CDH13: variants seen among roughly 807,000 people sequenced by gnomAD.
The protein encoded by CDH13 is cadherin 13.
Under a neutral mutation model 63.8 loss-of-function variants are expected in CDH13, and 24 were observed. The ratio of observed to expected loss-of-function variants is 0.38; its 90% confidence interval spans 0.27 to 0.53. The LOEUF is 0.53. Among genes scored for constraint, CDH13 ranks in the 20% least tolerant of loss-of-function variants. CDH13 has a pLI of 0.85. For synonymous variants in CDH13, 503 were observed against 355.3 expected, an observed-to-expected ratio of 1.42 and a Z score of -4.67; for missense variants, 1,049 against 903.1, an observed-to-expected ratio of 1.16 and a Z score of -2.07.
chr16:82,666,000 C>T (rs1248439103), intron 1 of CDH13, among the ~76,000 whole-genome samples: 2 of 152,040 alleles, frequency 1.3e-5, no homozygotes, highest in Admixed American at 6.6e-5. Flanking sequence ...AGTTGAAAAA[C>T]TGTTGTCTAG....
chr16:83,547,046 A>G (rs1480240357), intron 7 of CDH13, among the ~76,000 whole-genome samples: 1 of 152,184 alleles, frequency 6.6e-6, no homozygotes, highest in Non-Finnish European at 1.5e-5. Flanking sequence ...GGTCATCTCC[A>G]TGTGTTCACT....
intron 10 of CDH13, among the ~76,000 whole-genome samples, chr16:83,684,619 C>T (rs1171816556): frequency 6.6e-6 from 1 of 152,214 alleles, no homozygotes; most frequent in Non-Finnish European, 1.5e-5. Flanking sequence ...AGACAGAACT[C>T]ATCTTGCCCA....
Position 82,635,535 on chromosome 16 carries a change from G to T in CDH13, c.45+8398G>T, listed in dbSNP as rs571147775. ...GGTGTTTTTCTCAGAGCAAGTGGCA[G>T]CCATTGAGGGTACTGAGGGAAAGGT... is the stretch of plus-strand genomic sequence containing the variant. On this transcript the variant is annotated intron_variant, in intron 1 of 13. Transcript: ENST00000567109. Among the ~76,000 whole-genome samples the T allele has an allele frequency of 2.1e-4, 32 of 152,358 alleles. No homozygotes were observed. The South Asian group carries it at 6.2e-3, about 30-fold the overall frequency.
At chr16:83,448,691 A>T (rs935401392) in intron 6 of CDH13, among the ~76,000 whole-genome samples, 1 of 152,142 alleles carries the variant, frequency 6.6e-6, no homozygotes, top group African/African-American at 2.4e-5. Flanking sequence ...AGCAGTAGAG[A>T]TGAGAGTAAG....
At chr16:83,608,851 T>A (rs1908600243) in intron 8 of CDH13, among the ~76,000 whole-genome samples, 1 of 152,050 alleles carries the variant, frequency 6.6e-6, no homozygotes, top group Non-Finnish European at 1.5e-5. Flanking sequence ...ATTAACTGCC[T>A]AATACAACCT....
intron 1 of CDH13, among the ~76,000 whole-genome samples, chr16:82,681,114 G>C (rs1470614523): frequency 6.6e-6 from 1 of 152,186 alleles, no homozygotes; most frequent in South Asian, 2.1e-4. Flanking sequence ...AGATATTCTT[G>C]GGAAGACTCT....
intron 1 of CDH13, among the ~76,000 whole-genome samples, chr16:82,804,410 A>G (rs1282094233): frequency 1.3e-5 from 2 of 152,166 alleles, no homozygotes; most frequent in East Asian, 1.9e-4. Flanking sequence ...AGGTATATGC[A>G]TATATAAAAC....
chr16:83,666,712 G>T (rs1567498958), intron 8 of CDH13, among the ~76,000 whole-genome samples: 1 of 152,036 alleles, frequency 6.6e-6, no homozygotes, highest in Non-Finnish European at 1.5e-5. Flanking sequence ...TCAGATGCCA[G>T]GTATGTTCTC....
rs142889167 is a variant in CDH13 at position 83,166,630 on chromosome 16, A to G, written c.483+41129A>G. On this transcript the variant is annotated intron_variant, in intron 4 of 13. Coordinates refer to ENST00000567109, the MANE Select transcript of CDH13 (RefSeq NM_001257.5). ...CAGAGGGAATATAGATTGTGCTCTT[A>G]CCTGCCCCATTTCCATATTTAATAT... Among the ~76,000 whole-genome samples the G allele has an allele frequency of 2.1e-3, 319 of 152,198 alleles. 1 individual carries two copies. The highest frequency in any genetic ancestry group is 6.8e-3 in the African/African-American group (284 of 41,554).
intron 3 of CDH13, among the ~76,000 whole-genome samples, chr16:83,113,904 A>T (rs1439666164): frequency 6.6e-6 from 1 of 152,118 alleles, no homozygotes; most frequent in Non-Finnish European, 1.5e-5. Flanking sequence ...GCCTTAGGAA[A>T]CCCAGAGGCT....
rs1017760141 is a variant in CDH13 at position 83,799,794 on chromosome 16, T to C, written c.*4764T>C. On this transcript the variant is annotated 3_prime_UTR_variant, in exon 14 of 14. Coordinates refer to ENST00000567109, the MANE Select transcript of CDH13 (RefSeq NM_001257.5). ...TATGCAATGTGTTACCCTTACTATATTTCCTATTGCTAATAGATTAGCCCA... is the reference window on the plus strand; with the variant it reads ...TATGCAATGTGTTACCCTTACTATACTTCCTATTGCTAATAGATTAGCCCA... 2 of 152,202 alleles carry C rather than the reference T, an allele frequency of 1.3e-5. No individual in the cohort carries two copies. Among genetic ancestry groups the C allele is most frequent in the Non-Finnish European group, 2.9e-5 (2 of 68,034 alleles). The allele number at this position is 152,202 out of a possible 1,614,324, so 9.4% of individuals were successfully genotyped here. A position where few individuals can be genotyped will look rare whatever the true frequency, so the allele number is the denominator to read the frequency against.
At chr16:83,609,871 C>T (rs1908695116) in intron 8 of CDH13, among the ~76,000 whole-genome samples, 1 of 152,324 alleles carries the variant, frequency 6.6e-6, no homozygotes, top group East Asian at 1.9e-4. Flanking sequence ...TGAGCAGTTA[C>T]TCCCCATTGC....
intron 1 of CDH13, among the ~76,000 whole-genome samples, chr16:82,662,644 C>G (rs548533114): frequency 2.6e-5 from 4 of 152,294 alleles, no homozygotes; most frequent in African/African-American, 9.6e-5. Context: ...TGTAGGACAA[C>G]AAATGCGCTT....
At chr16:83,216,443 T>TATATAAATATATATATATATAC (rs1472700247) in intron 4 of CDH13, among the ~76,000 whole-genome samples, 51 of 93,426 alleles carry the variant, frequency 5.5e-4, no homozygotes, top group Non-Finnish European at 8.0e-4. Flanking sequence ...TATATATATA[T>TATATAAATATATATATATATAC]ACACAACCCT....
chr16:82,670,410 T>C (rs1294801975), intron 1 of CDH13, among the ~76,000 whole-genome samples: 1 of 152,010 alleles, frequency 6.6e-6, no homozygotes, highest in East Asian at 1.9e-4. Context: ...GGGTGTGAAA[T>C]GAGAAAAAAA....
intron 1 of CDH13, among the ~76,000 whole-genome samples, chr16:82,731,905 G>C (rs1014495997): frequency 6.6e-6 from 1 of 152,172 alleles, no homozygotes; most frequent in Non-Finnish European, 1.5e-5. Context: ...ATCACTGCTT[G>C]AATGGGGCAT....
intron 1 of CDH13, among the ~76,000 whole-genome samples, chr16:82,724,535 G>A (rs1291469899): frequency 6.6e-6 from 1 of 152,154 alleles, no homozygotes; most frequent in Admixed American, 6.5e-5. Context: ...TCATGATGCT[G>A]TCCTTCATTC....
At chr16:82,643,402 T>C (rs116995114) in intron 1 of CDH13, among the ~76,000 whole-genome samples, 1 of 152,304 alleles carries the variant, frequency 6.6e-6, no homozygotes, top group East Asian at 1.9e-4. Flanking sequence ...TTGTCCACCC[T>C]ACTGAGATCA....
intron 4 of CDH13, among the ~76,000 whole-genome samples, chr16:83,169,432 C>T (rs544193976): frequency 6.6e-6 from 1 of 152,218 alleles, no homozygotes; most frequent in South Asian, 2.1e-4. Flanking sequence ...GCCTCGGCTT[C>T]CCGAAGTGCT....
Sources: gnomAD v4.1 joint callset for allele counts (sites outside exome capture counted in the v4.1 genomes callset) on GRCh38, gnomAD v4.1.1 for gene constraint, MANE v1.5 for transcripts, NCBI Gene and HGNC (gene_info 2026-07-23, HGNC 2026-07-21) for gene names.